PTPRD: variants seen among roughly 807,000 people sequenced by gnomAD.
PTPRD encodes receptor-type tyrosine-protein phosphatase delta.
PTPRD carries 34 observed loss-of-function variants against 214.5 expected under a neutral mutation model. That is an observed-to-expected ratio of 0.16 (90% CI 0.12 to 0.21). PTPRD has a LOEUF of 0.21. Ranked by LOEUF, PTPRD falls within the 10% of genes least tolerant of loss-of-function variation. The pLI is 1.00. For missense variants in PTPRD, 2,545 were observed against 2,398.7 expected, an observed-to-expected ratio of 1.06 and a Z score of -1.27; for synonymous variants, 1,128 against 845.7, an observed-to-expected ratio of 1.33 and a Z score of -5.79.
chr9:8,500,603 G>C, intron 24 of PTPRD, 151 bp downstream of exon 24: 1 of 135,794 alleles, frequency 7.4e-6, no homozygotes, highest in Non-Finnish European at 1.5e-5. Context: ...CCAGGCTGTA[G>C]CAAAGACAAG....
At chr9:9,686,398 T>G (rs1208690091) in intron 7 of PTPRD, among the ~76,000 whole-genome samples, 1 of 151,412 alleles carries the variant, frequency 6.6e-6, no homozygotes, top group Non-Finnish European at 1.5e-5. Context: ...CTGATATATA[T>G]TTTCCAAGTC....
chr9:10,253,522 A>G (rs1378858139), intron 3 of PTPRD, among the ~76,000 whole-genome samples: 1 of 152,218 alleles, frequency 6.6e-6, no homozygotes, highest in East Asian at 1.9e-4. Flanking sequence ...CTAAAAGCCA[A>G]TTCTCCTCCA....
intron 3 of PTPRD, among the ~76,000 whole-genome samples, chr9:10,318,470 C>G (rs982712996): frequency 6.6e-6 from 1 of 151,980 alleles, no homozygotes; most frequent in Non-Finnish European, 1.5e-5. Context: ...AGGCCTTACC[C>G]GTGCCTCTTA....
At chr9:9,880,642 G>T (rs1003416404) in intron 5 of PTPRD, among the ~76,000 whole-genome samples, 1 of 152,224 alleles carries the variant, frequency 6.6e-6, no homozygotes, top group African/African-American at 2.4e-5. Context: ...TGTGTGTTGT[G>T]TGCTTGTGTG....
chr9:9,547,222 A>G (rs2079012512), intron 8 of PTPRD, among the ~76,000 whole-genome samples: 1 of 152,066 alleles, frequency 6.6e-6, no homozygotes, highest in African/African-American at 2.4e-5. Flanking sequence ...ATTATTTCAG[A>G]AAAAGTACGC....
intron 12 of PTPRD, among the ~76,000 whole-genome samples, chr9:8,724,886 C>T (rs1159219157): frequency 3.3e-5 from 5 of 151,984 alleles, no homozygotes; most frequent in Admixed American, 1.3e-4. Flanking sequence ...TGCAGTGAGC[C>T]GAGATCGCGT....
At chr9:8,659,997 A>G (rs545831821) in intron 12 of PTPRD, among the ~76,000 whole-genome samples, 1 of 152,392 alleles carries the variant, frequency 6.6e-6, no homozygotes, top group African/African-American at 2.4e-5. Flanking sequence ...GAATTGTTCA[A>G]AACAACTTCA....
chr9:10,541,470 G>T (rs2059091354), intron 2 of PTPRD, among the ~76,000 whole-genome samples: 1 of 151,822 alleles, frequency 6.6e-6, no homozygotes, highest in Admixed American at 6.6e-5. Context: ...ATTGTCTGTT[G>T]ATTATTAAAG....
chr9:9,609,367 A>T (rs954784109), intron 7 of PTPRD, among the ~76,000 whole-genome samples: 1 of 152,188 alleles, frequency 6.6e-6, no homozygotes, highest in African/African-American at 2.4e-5. Context: ...TGCTACCTTA[A>T]AAAAACAAAA....
At chr9:8,898,445 G>A (rs971104995) in intron 11 of PTPRD, among the ~76,000 whole-genome samples, 1 of 152,064 alleles carries the variant, frequency 6.6e-6, no homozygotes, top group African/African-American at 2.4e-5. Flanking sequence ...TACTCTTGGT[G>A]ATTATTTATA....
At chr9:9,924,389 T>C (rs1343087382) in intron 5 of PTPRD, among the ~76,000 whole-genome samples, 2 of 152,074 alleles carry the variant, frequency 1.3e-5, no homozygotes, top group Admixed American at 1.3e-4. Flanking sequence ...GCTGCCATTA[T>C]TCTGTTGCTG....
At chr9:8,928,587 A>G (rs1352227071) in intron 11 of PTPRD, among the ~76,000 whole-genome samples, 1 of 24,046 alleles carries the variant, frequency 4.2e-5, no homozygotes, top group African/African-American at 1.4e-4. Flanking sequence ...CCAGTTGGTT[A>G]CTCTAGCCTT....
At chr9:9,453,832 G>C (rs2092607581) in intron 8 of PTPRD, among the ~76,000 whole-genome samples, 1 of 151,640 alleles carries the variant, frequency 6.6e-6, no homozygotes, top group Admixed American at 6.6e-5. Flanking sequence ...GGCCTAAAGA[G>C]CTTTCAAAGA....
chr9:9,840,157 C>A (rs971943927), intron 5 of PTPRD, among the ~76,000 whole-genome samples: 1 of 152,066 alleles, frequency 6.6e-6, no homozygotes, highest in Non-Finnish European at 1.5e-5. Flanking sequence ...CCTGTCGCAG[C>A]CTTCCAAGTA....
At chr9:8,507,279 G>T (rs770174447) in intron 22 of PTPRD, 22 bp downstream of exon 22, 1 of 1,606,642 alleles carries the variant, frequency 6.2e-7, no homozygotes, top group East Asian at 2.2e-5. Flanking sequence ...AATTCCCAAG[G>T]TGAGAAGCAC....
chr9:10,502,184 T>C (rs965683786), intron 2 of PTPRD, among the ~76,000 whole-genome samples: 1 of 151,834 alleles, frequency 6.6e-6, no homozygotes, highest in Admixed American at 6.6e-5. Context: ...GTAAATTTTG[T>C]CAAATTAAGG....
chr9:9,361,183 A>G (rs2056002845), intron 9 of PTPRD, among the ~76,000 whole-genome samples: 1 of 151,196 alleles, frequency 6.6e-6, no homozygotes, highest in South Asian at 2.1e-4. Flanking sequence ...CTCAATTGTA[A>G]TAGGAACTTA....
In PTPRD at chr9:9,275,152, AT is replaced by A. The variant is rs1306774652; in HGVS notation, c.-202-91790del. Reference sequence around the variant, plus strand: ...ATTATATATAATATATATATAATATATTATATATATAACATATATATAATAT... The same window carrying A: ...ATTATATATAATATATATATAATATATATATATATAACATATATATAATAT... On this transcript the variant is annotated intron_variant, in intron 9 of 45. Transcript: ENST00000381196. Among the ~76,000 whole-genome samples, 368 of 63,238 alleles carry A rather than the reference AT, an allele frequency of 5.8e-3. 2 individuals carry two copies. Among genetic ancestry groups the A allele is most frequent in the African/African-American group, 0.018 (215 of 12,000 alleles). The allele number at this position is 63,238 out of a possible 152,430, so 41.5% of individuals were successfully genotyped here.
chr9:10,238,106 T>C (rs989621749), intron 3 of PTPRD, among the ~76,000 whole-genome samples: 5 of 151,558 alleles, frequency 3.3e-5, no homozygotes, highest in East Asian at 2.0e-4. Context: ...TTACTTCACA[T>C]GAGAGAAAGA....
Sources: gnomAD v4.1 joint callset for allele counts (sites outside exome capture counted in the v4.1 genomes callset) on GRCh38, gnomAD v4.1.1 for gene constraint, MANE v1.5 for transcripts, NCBI Gene and HGNC (gene_info 2026-07-23, HGNC 2026-07-21) for gene names.